DPP6: variants seen among roughly 807,000 people sequenced by gnomAD.
The protein encoded by DPP6 is dipeptidyl peptidase like 6.
A neutral mutation model predicts 122.6 loss-of-function variants in DPP6; 69 were observed. The observed-to-expected ratio is 0.56, with a 90% CI of 0.46 to 0.69. DPP6 has a LOEUF of 0.69. Among genes scored for constraint, DPP6 ranks in the 30% least tolerant of loss-of-function variants. The pLI is 0.00. For missense variants in DPP6, 928 were observed against 1,116.9 expected (o/e 0.83, Z 2.41); for synonymous variants, 418 against 433.1 (o/e 0.97, Z 0.43).
exon 1 of DPP6, chr7:153,887,157 C>T (rs1465742342): frequency 6.6e-6 from 1 of 152,558 alleles, no homozygotes. Flanking sequence ...CTGGCGTCGC[C>T]GCCCGGCCGG....
chr7:154,044,048 G>C (rs1251313073), intron 1 of DPP6, among the ~76,000 whole-genome samples: 1 of 151,400 alleles, frequency 6.6e-6, no homozygotes, highest in Admixed American at 6.6e-5. Flanking sequence ...ACCTCATCCC[G>C]CTGCAGCTGA....
chr7:153,844,103 G>A, the DPP6 span, among the ~76,000 whole-genome samples: 9 of 152,154 alleles, frequency 5.9e-5, no homozygotes, highest in African/African-American at 2.2e-4. Flanking sequence ...CTGCACGTCT[G>A]TTCATAGGCT....
At chr7:154,181,081 A>G (rs921100216) in intron 1 of DPP6, among the ~76,000 whole-genome samples, 6 of 152,108 alleles carry the variant, frequency 3.9e-5, no homozygotes, top group Non-Finnish European at 7.4e-5. Flanking sequence ...TCTTAAGTGG[A>G]AAGTTGAAGA....
upstream of DPP6, among the ~76,000 whole-genome samples, chr7:154,049,570 G>C (rs1413037079): frequency 7.7e-6 from 1 of 129,594 alleles, no homozygotes; most frequent in Non-Finnish European, 1.8e-5. Flanking sequence ...ACATACACAC[G>C]AGGTATAGAA....
intron 1 of DPP6, among the ~76,000 whole-genome samples, chr7:154,364,010 TTG>T (rs1211483101): frequency 6.6e-6 from 1 of 152,164 alleles, no homozygotes; most frequent in Non-Finnish European, 1.5e-5. Flanking sequence ...GGGGAGTGTG[TTG>T]TCTGTCCAGC....
At chr7:154,721,332 C>A (rs924894924) in intron 7 of DPP6, among the ~76,000 whole-genome samples, 3 of 152,140 alleles carry the variant, frequency 2.0e-5, no homozygotes, top group Non-Finnish European at 4.4e-5. Context: ...CAGCCGCACC[C>A]CTGACCCACC....
At chr7:154,322,484 T>C (rs1808059596) in intron 1 of DPP6, among the ~76,000 whole-genome samples, 1 of 152,226 alleles carries the variant, frequency 6.6e-6, no homozygotes, top group South Asian at 2.1e-4. Context: ...ACCTGTGATA[T>C]TCTGTGCCAT....
intron 8 of DPP6, among the ~76,000 whole-genome samples, chr7:154,751,093 G>C (rs1034788414): frequency 1.3e-5 from 2 of 152,180 alleles, no homozygotes; most frequent in African/African-American, 2.4e-5. Flanking sequence ...CAAAATCATG[G>C]AGGTGTTAGG....
intron 1 of DPP6, among the ~76,000 whole-genome samples, chr7:154,372,267 T>C (rs1812740009): frequency 6.6e-6 from 1 of 152,178 alleles, no homozygotes; most frequent in South Asian, 2.1e-4. Flanking sequence ...CAGGGCGGTT[T>C]GAGTCATCTT....
chr7:153,868,007 G>A, the DPP6 span, among the ~76,000 whole-genome samples: 166 of 152,308 alleles, frequency 1.1e-3, 3 homozygotes, highest in Admixed American at 9.2e-4. Flanking sequence ...AAGCCGACTT[G>A]ATCATGGTGG....
At chr7:153,970,930 G>C (rs1795987703) in intron 1 of DPP6, among the ~76,000 whole-genome samples, 1 of 152,076 alleles carries the variant, frequency 6.6e-6, no homozygotes, top group Admixed American at 6.6e-5. Flanking sequence ...TAAGTCTTCA[G>C]ATTTTCTTCC....
At chr7:154,077,945 A>T (rs1803688209) in intron 1 of DPP6, among the ~76,000 whole-genome samples, 2 of 152,150 alleles carry the variant, frequency 1.3e-5, no homozygotes, top group African/African-American at 4.8e-5. Flanking sequence ...TCGGGATTAC[A>T]GGCATGAGCT....
intron 1 of DPP6, among the ~76,000 whole-genome samples, chr7:154,177,372 A>G (rs533761265): frequency 6.6e-6 from 1 of 152,364 alleles, no homozygotes; most frequent in African/African-American, 2.4e-5. Context: ...AAAGAGACAT[A>G]TGACTGTAAG....
intron 16 of DPP6, among the ~76,000 whole-genome samples, chr7:154,851,509 T>TG (rs989400194): frequency 3.9e-5 from 6 of 152,050 alleles, no homozygotes; most frequent in South Asian, 2.1e-4. Context: ...GAGCTCCCCA[T>TG]GGGGGGGAAA....
chr7:154,301,796 T>C (rs1188638000), intron 1 of DPP6, among the ~76,000 whole-genome samples: 1 of 90,050 alleles, frequency 1.1e-5, no homozygotes, highest in Non-Finnish European at 2.0e-5. Context: ...CTTTTTTTTT[T>C]TTTTTTTTTT....
rs1804324819 is a variant in DPP6, at chr7:154,870,922, T to A, written c.1814-1702T>A. 2.2e-5 allele frequency among the ~76,000 whole-genome samples: 3 copies of A among 136,512 alleles called. No individual in the cohort carries two copies. In the Admixed American group the frequency reaches 2.4e-4, roughly 11 times the overall value. 89.6% of individuals were successfully genotyped at this position (136,512 alleles called of 152,430 possible). ...AAGTTGCAGTGAGCTGAGATCGCAC[T>A]ACTGTACTCCAGCATGGGTGACAGA... On this transcript the variant is annotated intron_variant, in intron 18 of 25. Coordinates refer to ENST00000377770, the MANE Select transcript of DPP6 (RefSeq NM_130797.4).
intron 18 of DPP6, among the ~76,000 whole-genome samples, chr7:154,869,886 GCTGT>G (rs2150631968): frequency 7.8e-6 from 1 of 128,804 alleles, no homozygotes; most frequent in South Asian, 2.5e-4. Context: ...ATGTCCAAAG[GCTGT>G]CTCTCTTAAA....
intron 10 of DPP6, among the ~76,000 whole-genome samples, chr7:154,787,334 G>T (rs539000277): frequency 2.8e-4 from 42 of 152,196 alleles, no homozygotes; most frequent in African/African-American, 8.4e-4. Context: ...TTAAAAAAAT[G>T]ATTAAGCCAT....
rs201775434 is a variant in DPP6, at chr7:154,559,273, G to GA, written c.553-7557dup. ...GATCACCAGGTTAGATACCACAGAA[G>GA]AAAAAAAAAAAACCCCTAAATTGTA... is the stretch of plus-strand genomic sequence containing the variant. On this transcript the variant is annotated intron_variant, in intron 4 of 25. Coordinates refer to ENST00000377770, the MANE Select transcript of DPP6 (RefSeq NM_130797.4). Among the ~76,000 whole-genome samples the GA allele has an allele frequency of 9.6e-3, 472 of 49,008 alleles. 4 individuals are homozygous for GA. Among genetic ancestry groups the GA allele is most frequent in the East Asian group, 0.041 (89 of 2,168 alleles). 32.2% of individuals were successfully genotyped at this position (49,008 alleles called of 152,430 possible).
Sources: allele counts gnomAD v4.1 joint callset (sites outside exome capture counted in the v4.1 genomes callset), GRCh38; gene constraint gnomAD v4.1.1; transcripts MANE v1.5; gene names NCBI Gene and HGNC (gene_info 2026-07-23, HGNC 2026-07-21).